Variants in TRRAP observed in about 807,000 individuals in gnomAD.
TRRAP encodes the protein transformation/transcription domain-associated protein.
Under a neutral mutation model 438.8 loss-of-function variants are expected in TRRAP, and 41 were observed. The observed-to-expected ratio is 0.09, with a 90% CI of 0.07 to 0.12. The LOEUF (loss-of-function observed/expected upper bound fraction) is 0.12, where lower values mean the gene tolerates loss of function less well. Among genes scored for constraint, TRRAP ranks in the 10% least tolerant of loss-of-function variants. The probability of loss-of-function intolerance (pLI) is 1.00; values close to 1 mark genes in which losing one functional copy is unlikely to be tolerated. For synonymous variants in TRRAP, 1,994 were observed against 1,962.9 expected (o/e 1.02, Z -0.42); for missense variants, 3,122 against 5,055.1 (o/e 0.62, Z 11.60).
At chr7:98,949,942 G>A (rs1196764297) in intron 37 of TRRAP, 101 bp downstream of exon 37, 9 of 1,566,038 alleles carry the variant, frequency 5.7e-6, no homozygotes, top group Admixed American at 5.3e-5. Flanking sequence ...CATTGGATGC[G>A]TGCAGTCAGA....
At chr7:98,961,748 C>T (rs1192961176) in intron 46 of TRRAP, among the ~76,000 whole-genome samples, 1 of 152,110 alleles carries the variant, frequency 6.6e-6, no homozygotes, top group Non-Finnish European at 1.5e-5. Flanking sequence ...GGAGAAACCC[C>T]ATCTCTACTA....
intron 67 of TRRAP, chr7:98,999,417 G>A: frequency 8.9e-7 from 1 of 1,124,668 alleles, no homozygotes; most frequent in Non-Finnish European, 1.3e-6. Flanking sequence ...AGATCCAGCA[G>A]CTCCTCCAAA....
intron 18 of TRRAP, 139 bp from the exon 19 acceptor site, chr7:98,915,584 T>TGTTTGGTTTTTTCCCTTTGGAGTAAACAC (rs1554409456): frequency 1.0e-6 from 1 of 976,936 alleles, no homozygotes; most frequent in Non-Finnish European, 1.5e-6. Context: ...GGAATATGCT[T>TGTTTGGTTTTTTCCCTTTGGAGTAAACAC]GTTTGGTTTT....
chr7:99,007,603 C>T (rs1794232208), intron 69 of TRRAP, among the ~76,000 whole-genome samples: 2 of 152,008 alleles, frequency 1.3e-5, no homozygotes, highest in South Asian at 4.1e-4. Flanking sequence ...CCCACCTTGG[C>T]CTCCCAAAGT....
chr7:98,925,215 G>T lies in TRRAP; in HGVS notation c.2927G>T (p.Ser976Ile), dbSNP rs782392117. ...VIKCFLVAMM[S>I]LEDNKHALYQ... is the part of the protein sequence containing the mutation. Reference sequence around the variant, plus strand: ...AAATGCTTCCTGGTGGCCATGATGAGCCTGGAGGACAACAAGCACGCACTC... The same window carrying T: ...AAATGCTTCCTGGTGGCCATGATGATCCTGGAGGACAACAAGCACGCACTC... Residue 976 changes from serine to isoleucine, a missense_variant, in exon 22 of 73, where the codon AGC (serine) becomes ATC (isoleucine). Coordinates refer to ENST00000456197, the MANE Select transcript of TRRAP (RefSeq NM_001375524.1). 1 of 1,614,168 alleles carries T rather than the reference G, an allele frequency of 6.2e-7. No individual in the cohort carries two copies. Among genetic ancestry groups the T allele is most frequent in the Non-Finnish European group, 8.5e-7 (1 of 1,180,034 alleles).
chr7:98,881,885 C>A, intron 2 of TRRAP, 90 bp from the exon 3 acceptor site: 1 of 1,411,476 alleles, frequency 7.1e-7, no homozygotes, highest in Non-Finnish European at 9.8e-7. Flanking sequence ...GATCTGATTG[C>A]TTCTCTTAAA....
intron 33 of TRRAP, among the ~76,000 whole-genome samples, chr7:98,946,615 C>T (rs1239250572): frequency 6.8e-6 from 1 of 146,246 alleles, no homozygotes; most frequent in Non-Finnish European, 1.5e-5. Flanking sequence ...TGCACACACA[C>T]CACACATGCA....
In TRRAP at chr7:98,976,391, G is replaced by A. The variant is rs937521071; in HGVS notation, c.7960-92G>A. 13 of 1,569,756 alleles carry A rather than the reference G, an allele frequency of 8.3e-6. No individual in the cohort carries two copies. The African/African-American group carries it at 1.8e-4, about 21-fold the overall frequency. ...GAGGGAACCGCTGGCTGTCACTCGA[G>A]CGAATTAGGAAAGGTATTCTTGCAT... On this transcript the variant is annotated intron_variant, in intron 54 of 72. Transcript: ENST00000456197. The surrounding 1 kb of genome is among the most constrained non-coding windows in gnomAD (Gnocchi z 4.6).
intron 67 of TRRAP, chr7:98,999,349 A>T (rs1793815274): frequency 7.1e-6 from 10 of 1,412,438 alleles, no homozygotes; most frequent in Non-Finnish European, 8.0e-6. Flanking sequence ...ATCAGACTTG[A>T]CAGTGATTCC....
Position 98,927,180 on chromosome 7 carries a change from A to C in TRRAP, c.2989A>C (p.Thr997Pro). Residue 997 changes from threonine to proline, a missense_variant, in exon 23 of 73, where the codon ACC (threonine) becomes CCC (proline). Thr to Pro is a conservative substitution (Grantham distance 38). Around this residue, in one of 24 missense-constraint regions of TRRAP, gnomAD observed 133 missense variants for 188.6 expected, o/e 0.71. Coordinates refer to ENST00000456197, the MANE Select transcript of TRRAP (RefSeq NM_001375524.1). Reference sequence around the variant, plus strand: ...TTTGCCTTTCAGCTTTACAGAAAAGACCATCCCCAATGTTATCATCTCACA... The same window carrying C: ...TTTGCCTTTCAGCTTTACAGAAAAGCCCATCCCCAATGTTATCATCTCACA... ...LLAHPNFTEK[T>P]IPNVIISHRY... 6.2e-7 allele frequency: 1 copy of C among 1,614,214 alleles called. No homozygotes were observed. Among genetic ancestry groups the C allele is most frequent in the Non-Finnish European group, 8.5e-7 (1 of 1,180,040 alleles).
chr7:98,952,780 C>G (rs114303150), intron 39 of TRRAP, among the ~76,000 whole-genome samples: 6 of 152,058 alleles, frequency 3.9e-5, no homozygotes, highest in African/African-American at 1.4e-4. Context: ...ATCTCATGCT[C>G]GGTAAGTCAG....
At chr7:98,971,386 A>G (rs1198910103) in intron 52 of TRRAP, among the ~76,000 whole-genome samples, 9 of 152,188 alleles carry the variant, frequency 5.9e-5, no homozygotes. Context: ...GTCATATAAA[A>G]CATTGCACCA....
rs116627190 is a variant in TRRAP at position 99,011,978 on chromosome 7, G to A, written c.11338-93G>A. The A allele has an allele frequency of 1.5e-3, 2,172 of 1,497,372 alleles. 30 individuals are homozygous for A. The African/African-American group carries it at 0.026, about 18-fold the overall frequency. The allele number at this position is 1,497,372 out of a possible 1,614,324, so 92.8% of individuals were successfully genotyped here. On this transcript the variant is annotated intron_variant, in intron 72 of 72. Transcript: ENST00000456197. This position sits in a 1 kb window ranked among gnomAD's most constrained non-coding sequence, Gnocchi z 7.1. ...CGACTGGCCCTTGGTGGCCCTGAGC[G>A]GCCGCTGTGGTTGAGTCCCACCTTG... is the stretch of plus-strand genomic sequence containing the variant.
intron 12 of TRRAP, 145 bp downstream of exon 12, chr7:98,903,662 C>T: frequency 1.7e-6 from 2 of 1,189,240 alleles, no homozygotes; most frequent in Non-Finnish European, 2.3e-6. Flanking sequence ...TCTTTCCCCT[C>T]TTTTCTCTCC....
intron 67 of TRRAP, among the ~76,000 whole-genome samples, chr7:99,002,521 G>T (rs1008003652): frequency 4.6e-5 from 7 of 152,158 alleles, no homozygotes; most frequent in African/African-American, 1.4e-4. Flanking sequence ...CACGTTCTTG[G>T]TCCAGCGTGG....
At position 98,910,226 on chromosome 7, in the gene TRRAP, TCCACCCCCGCCC is replaced by T. The variant is rs782797137; in HGVS notation, c.1530_1541del (p.Pro512_Pro515del). ...CCCCAGCCCCTGTCCCTGCCCCACC[TCCACCCCCGCCC>T]CCACCCCCACCTGCCACCCCTGTGA... On this transcript the variant is annotated inframe_deletion, in exon 15 of 73. Transcript: ENST00000456197. 1 of 271,750 alleles carries T rather than the reference TCCACCCCCGCCC, an allele frequency of 3.7e-6. No individual in the cohort carries two copies. Among genetic ancestry groups the T allele is most frequent in the Non-Finnish European group, 5.1e-6 (1 of 195,588 alleles). The allele number at this position is 271,750 out of a possible 1,614,324, so 16.8% of individuals were successfully genotyped here.
In TRRAP at chr7:98,910,217, T is replaced by TTCCCC; in HGVS notation, c.1512_1513insTCCCC (p.Ala505SerfsTer17). On this transcript the variant is annotated frameshift_variant, in exon 15 of 73. Transcript: ENST00000456197. LOFTEE classifies it high-confidence loss of function. Reference sequence around the variant, plus strand: ...CTGCTCCCTCCCCAGCCCCTGTCCCTGCCCCACCTCCACCCCCGCCCCCAC... The same window carrying TTCCCC: ...CTGCTCCCTCCCCAGCCCCTGTCCCTTCCCCGCCCCACCTCCACCCCCGCCCCCAC... The TTCCCC allele has an allele frequency of 1.9e-6, 2 of 1,045,584 alleles. No individual in the cohort carries two copies. The highest frequency in any genetic ancestry group is 1.7e-5 in the South Asian group (1 of 57,706). The allele number at this position is 1,045,584 out of a possible 1,614,324, so 64.8% of individuals were successfully genotyped here.
intron 52 of TRRAP, 143 bp downstream of exon 52, chr7:98,970,434 CAG>C (rs1792362413): frequency 1.9e-6 from 2 of 1,057,112 alleles, no homozygotes; most frequent in Admixed American, 5.5e-5. Context: ...GCCCCACGGG[CAG>C]AATCCCAGAG....
At chr7:98,961,803 C>T (rs964348845) in intron 46 of TRRAP, among the ~76,000 whole-genome samples, 1 of 152,124 alleles carries the variant, frequency 6.6e-6, no homozygotes, top group Admixed American at 6.5e-5. Flanking sequence ...CCTGTAATCC[C>T]AGCTACTCGG....
Sources: gnomAD v4.1 joint callset for allele counts (sites outside exome capture counted in the v4.1 genomes callset) on GRCh38, gnomAD v4.1.1 for gene constraint, gnomAD v4.1.1 regional missense constraint, Gnocchi (gnomAD v3.1) non-coding constraint, MANE v1.5 for transcripts, NCBI Gene and HGNC (gene_info 2026-07-23, HGNC 2026-07-21) for gene names.